CNTNAP2: variants seen among roughly 807,000 people sequenced by gnomAD.
CNTNAP2 encodes the protein contactin-associated protein-like 2.
CNTNAP2 carries 98 observed loss-of-function variants against 155.2 expected under a neutral mutation model. That is an observed-to-expected ratio of 0.63 (90% CI 0.54 to 0.75). The LOEUF (loss-of-function observed/expected upper bound fraction) is 0.75, where lower values mean the gene tolerates loss of function less well. CNTNAP2 is among the 30% of genes least tolerant of loss of function. CNTNAP2 has a pLI of 0.00. For synonymous variants in CNTNAP2, 651 were observed against 631.2 expected (o/e 1.03, Z -0.47); for missense variants, 1,727 against 1,688.1 (o/e 1.02, Z -0.40).
chr7:147,137,236 A>G (rs889875097), intron 8 of CNTNAP2, among the ~76,000 whole-genome samples: 2 of 151,260 alleles, frequency 1.3e-5, no homozygotes, highest in South Asian at 4.2e-4. Context: ...CATTTCTTAT[A>G]TAAAATTTAA....
intron 8 of CNTNAP2, among the ~76,000 whole-genome samples, chr7:147,241,298 C>T (rs1803931998): frequency 6.6e-6 from 1 of 152,150 alleles, no homozygotes; most frequent in South Asian, 2.1e-4. Context: ...ATCTCTGGTC[C>T]TAGATACAAG....
At chr7:148,399,385 C>G (rs1189303499) in intron 22 of CNTNAP2, among the ~76,000 whole-genome samples, 1 of 152,170 alleles carries the variant, frequency 6.6e-6, no homozygotes, top group Non-Finnish European at 1.5e-5. Flanking sequence ...AGTTCAAGAT[C>G]AGCCTGAGCA....
intron 1 of CNTNAP2, among the ~76,000 whole-genome samples, chr7:146,390,358 A>G (rs1795522536): frequency 6.6e-6 from 1 of 152,028 alleles, no homozygotes; most frequent in Non-Finnish European, 1.5e-5. Context: ...TAGTATCACC[A>G]CTAATGGAAC....
chr7:146,321,177 C>T (rs1015345936), intron 1 of CNTNAP2, among the ~76,000 whole-genome samples: 11 of 151,690 alleles, frequency 7.3e-5, no homozygotes, highest in African/African-American at 1.2e-4. Context: ...ATAGGGTAGC[C>T]GAAATGAAAC....
chr7:146,838,539 A>G (rs1044632406), intron 2 of CNTNAP2, among the ~76,000 whole-genome samples: 1 of 152,150 alleles, frequency 6.6e-6, no homozygotes, highest in Non-Finnish European at 1.5e-5. Context: ...GCTGATCTCC[A>G]ACTACTGACC....
intron 1 of CNTNAP2, among the ~76,000 whole-genome samples, chr7:146,761,816 G>A (rs539877100): frequency 4.4e-5 from 6 of 137,584 alleles, no homozygotes; most frequent in African/African-American, 1.5e-4. Context: ...CTTCTAGAAG[G>A]GGATACAACT....
intron 21 of CNTNAP2, among the ~76,000 whole-genome samples, chr7:148,303,031 T>C (rs1023897853): frequency 9.9e-5 from 15 of 152,000 alleles, no homozygotes; most frequent in African/African-American, 3.6e-4. Context: ...TTGGCCATAG[T>C]TGATCCTGAT....
At chr7:146,491,094 CA>C (rs964586859) in intron 1 of CNTNAP2, among the ~76,000 whole-genome samples, 5 of 150,920 alleles carry the variant, frequency 3.3e-5, no homozygotes, top group Admixed American at 1.3e-4. Context: ...AAAGCCCCCC[CA>C]AAAAAAACAA....
intron 9 of CNTNAP2, among the ~76,000 whole-genome samples, chr7:147,305,962 A>T (rs796568615): frequency 6.6e-6 from 1 of 152,088 alleles, no homozygotes; most frequent in South Asian, 2.1e-4. Flanking sequence ...CCATCTTCAC[A>T]TAGTCTCCTC....
At chr7:146,973,788 A>G (rs776658031) in intron 3 of CNTNAP2, among the ~76,000 whole-genome samples, 1 of 152,188 alleles carries the variant, frequency 6.6e-6, no homozygotes, top group Admixed American at 6.5e-5. Flanking sequence ...CCCAATTGGC[A>G]TCATTCATGA....
At chr7:147,692,942 C>T (rs79048970) in intron 13 of CNTNAP2, among the ~76,000 whole-genome samples, 8,423 of 151,942 alleles carry the variant, frequency 0.055, 289 homozygotes, top group South Asian at 0.11. Flanking sequence ...GATTTTCTCC[C>T]TTGTCATTTC....
At chr7:148,368,311 T>C (rs756967606) in intron 21 of CNTNAP2, among the ~76,000 whole-genome samples, 25 of 152,154 alleles carry the variant, frequency 1.6e-4, no homozygotes, top group Non-Finnish European at 2.9e-4. Context: ...TTAAGTATAA[T>C]CTGCAAATGC....
chr7:147,283,846 A>G (rs1241237435), intron 8 of CNTNAP2, among the ~76,000 whole-genome samples: 3 of 151,920 alleles, frequency 2.0e-5, no homozygotes, highest in African/African-American at 4.8e-5. Context: ...TACCTGGTAA[A>G]AGATCTTAGT....
chr7:147,423,036 G>A (rs189506963), intron 10 of CNTNAP2, among the ~76,000 whole-genome samples: 5 of 152,304 alleles, frequency 3.3e-5, no homozygotes, highest in Admixed American at 1.3e-4. Flanking sequence ...CAGTCAAGAA[G>A]TGTGAACAGA....
chr7:147,011,747 A>G lies in CNTNAP2; in HGVS notation c.403-32160A>G, dbSNP rs143913599. On this transcript the variant is annotated intron_variant, in intron 3 of 23. Coordinates refer to ENST00000361727, the MANE Select transcript of CNTNAP2 (RefSeq NM_014141.6). ...AAAGCCAGCCATACAAGCTAAAAAT[A>G]TTGTTGTCATATTTTCCTGTCTTAT... Among the ~76,000 whole-genome samples the G allele has an allele frequency of 3.9e-3, 588 of 152,214 alleles. 7 individuals carry two copies. The highest frequency in any genetic ancestry group is 6.9e-3 in the Non-Finnish European group (468 of 68,016).
intron 10 of CNTNAP2, among the ~76,000 whole-genome samples, chr7:147,478,594 C>T (rs1026594359): frequency 6.6e-6 from 1 of 152,146 alleles, no homozygotes; most frequent in African/African-American, 2.4e-5. Flanking sequence ...ATTTTCCTTT[C>T]ATTCACTGAA....
intron 3 of CNTNAP2, among the ~76,000 whole-genome samples, chr7:147,013,397 C>A (rs920704297): frequency 6.6e-6 from 1 of 152,092 alleles, no homozygotes. Context: ...GTGGTTTCTT[C>A]AGTAAAATAT....
intron 3 of CNTNAP2, among the ~76,000 whole-genome samples, chr7:146,852,642 A>G (rs1222926908): frequency 3.3e-5 from 5 of 152,188 alleles, no homozygotes; most frequent in Non-Finnish European, 7.4e-5. Context: ...CATGCATTCT[A>G]AACAATGATG....
At chr7:146,555,444 T>G (rs1231069606) in intron 1 of CNTNAP2, among the ~76,000 whole-genome samples, 1 of 152,132 alleles carries the variant, frequency 6.6e-6, no homozygotes, top group Non-Finnish European at 1.5e-5. Context: ...TTCTATCTCA[T>G]CTATTTATCG....
Sources: allele counts gnomAD v4.1 joint callset (sites outside exome capture counted in the v4.1 genomes callset), GRCh38; gene constraint gnomAD v4.1.1; transcripts MANE v1.5; gene names NCBI Gene and HGNC (gene_info 2026-07-23, HGNC 2026-07-21).